RBFOX1: variants seen among roughly 807,000 people sequenced by gnomAD.
RBFOX1 encodes the protein RNA binding protein fox-1 homolog 1.
In RBFOX1, 8 loss-of-function variants were observed where a neutral mutation model predicts 57.7. The ratio of observed to expected loss-of-function variants is 0.14; its 90% confidence interval spans 0.08 to 0.25. RBFOX1 has a LOEUF of 0.25. Among genes scored for constraint, RBFOX1 ranks in the 10% least tolerant of loss-of-function variants. The pLI is 1.00. For missense variants in RBFOX1, 611 were observed against 548.5 expected (o/e 1.11, Z -1.14); for synonymous variants, 326 against 222.4 (o/e 1.47, Z -4.15).
At chr16:7,285,953 T>G (rs1023032194) in intron 4 of RBFOX1, among the ~76,000 whole-genome samples, 2 of 152,230 alleles carry the variant, frequency 1.3e-5, no homozygotes, top group African/African-American at 4.8e-5. Context: ...ATTTTTAAAC[T>G]GAGTCTCTGC....
rs535762582 is a variant in RBFOX1 at position 6,612,654 on chromosome 16, T to C, written c.-63-41949T>C. On this transcript the variant is annotated intron_variant, in intron 2 of 15. Coordinates refer to ENST00000550418, the MANE Select transcript of RBFOX1 (RefSeq NM_018723.4). ...ATGACTTGAGGTCAGGAGTTCAAGA[T>C]CAGCCTGGCCAACATGACAAAACCC... Among the ~76,000 whole-genome samples the C allele has an allele frequency of 1.6e-4, 25 of 151,864 alleles. No individual in the cohort carries two copies. In the South Asian group the frequency reaches 3.5e-3, roughly 21 times the overall value.
intron 3 of RBFOX1, among the ~76,000 whole-genome samples, chr16:6,959,868 C>T (rs910298838): frequency 2.0e-5 from 3 of 152,052 alleles, no homozygotes; most frequent in Admixed American, 6.6e-5. Flanking sequence ...ACCTAGGAGG[C>T]GGACATGTAG....
At chr16:5,329,395 T>A (rs6500683) in intron 1 of RBFOX1, among the ~76,000 whole-genome samples, 14,891 of 151,942 alleles carry the variant, frequency 0.098, 2,443 homozygotes, top group African/African-American at 0.34. Flanking sequence ...TACCCACTTT[T>A]AAATAACCAG....
chr16:6,030,895 A>T (rs1294603197), intron 1 of RBFOX1, among the ~76,000 whole-genome samples: 2 of 152,280 alleles, frequency 1.3e-5, no homozygotes, highest in East Asian at 3.9e-4. Context: ...GCTCTGGGCC[A>T]GGCACTGTTA....
intron 3 of RBFOX1, among the ~76,000 whole-genome samples, chr16:5,702,940 T>C (rs934122182): frequency 6.6e-6 from 1 of 152,206 alleles, no homozygotes; most frequent in Non-Finnish European, 1.5e-5. Context: ...TGTGACGAAT[T>C]TCAGGCCTCT....
intron 2 of RBFOX1, among the ~76,000 whole-genome samples, chr16:6,370,681 G>A (rs1209791481): frequency 1.3e-5 from 2 of 152,134 alleles, no homozygotes; most frequent in African/African-American, 4.8e-5. Context: ...GGGACCAGGG[G>A]GAGGATAGAA....
At chr16:5,446,008 T>C (rs948218626) in intron 1 of RBFOX1, among the ~76,000 whole-genome samples, 3 of 152,344 alleles carry the variant, frequency 2.0e-5, no homozygotes, top group Non-Finnish European at 4.4e-5. Context: ...AACAATCACA[T>C]TGATTTTTTG....
intron 3 of RBFOX1, among the ~76,000 whole-genome samples, chr16:6,851,179 C>T (rs1044514341): frequency 6.6e-6 from 1 of 152,096 alleles, no homozygotes; most frequent in Admixed American, 6.6e-5. Flanking sequence ...TTTTATGTAT[C>T]TAAAGGTTAC....
At chr16:6,440,801 G>GA (rs140805062) in intron 2 of RBFOX1, among the ~76,000 whole-genome samples, 35,809 of 118,314 alleles carry the variant, frequency 0.3, 5,775 homozygotes, top group East Asian at 0.44. Context: ...ACACCATCTG[G>GA]AAAAAAAAAA....
chr16:6,685,743 G>C (rs944626512), intron 3 of RBFOX1, among the ~76,000 whole-genome samples: 1 of 152,036 alleles, frequency 6.6e-6, no homozygotes, highest in African/African-American at 2.4e-5. Flanking sequence ...TTAACAATTT[G>C]GTGTCTGCCC....
chr16:5,976,251 A>G (rs1315178864), intron 4 of RBFOX1, among the ~76,000 whole-genome samples: 1 of 152,234 alleles, frequency 6.6e-6, no homozygotes, highest in Non-Finnish European at 1.5e-5. Context: ...AGCAAGTAGC[A>G]TACAAGAAAA....
intron 1 of RBFOX1, among the ~76,000 whole-genome samples, chr16:5,281,814 C>G (rs1337673650): frequency 6.6e-6 from 1 of 152,140 alleles, no homozygotes; most frequent in Non-Finnish European, 1.5e-5. Flanking sequence ...CTGTGTGTGT[C>G]TTTACAAGTG....
intron 2 of RBFOX1, among the ~76,000 whole-genome samples, chr16:5,484,455 C>T (rs1208384518): frequency 3.3e-5 from 5 of 152,210 alleles, no homozygotes; most frequent in African/African-American, 1.2e-4. Context: ...GGAAGTGACA[C>T]CCCATTCCCT....
chr16:5,468,205 CATA>C (rs1268962731), intron 2 of RBFOX1, among the ~76,000 whole-genome samples: 3 of 152,152 alleles, frequency 2.0e-5, no homozygotes, highest in Non-Finnish European at 4.4e-5. Flanking sequence ...ATTCACATAG[CATA>C]ATATTAGCCA....
intron 4 of RBFOX1, among the ~76,000 whole-genome samples, chr16:7,065,997 C>CAAA (rs369569262): frequency 7.2e-5 from 11 of 152,012 alleles, no homozygotes; most frequent in African/African-American, 2.7e-4. Context: ...TAAATAACAA[C>CAAA]AAAAAAAAAC....
At chr16:7,306,102 A>G (rs2096177544) in intron 4 of RBFOX1, among the ~76,000 whole-genome samples, 2 of 152,234 alleles carry the variant, frequency 1.3e-5, no homozygotes, top group Admixed American at 6.5e-5. Flanking sequence ...TTTGAATATC[A>G]TTTACCTAGC....
chr16:6,876,501 C>A (rs1488208637), intron 3 of RBFOX1, among the ~76,000 whole-genome samples: 1 of 152,170 alleles, frequency 6.6e-6, no homozygotes, highest in Non-Finnish European at 1.5e-5. Flanking sequence ...TCACATAGCG[C>A]TGTACCTAGC....
chr16:6,882,116 T>G (rs1160906154), intron 3 of RBFOX1, among the ~76,000 whole-genome samples: 1 of 152,194 alleles, frequency 6.6e-6, no homozygotes, highest in African/African-American at 2.4e-5. Context: ...GTAAATTATT[T>G]AGCAGGAAAG....
chr16:6,338,218 C>T (rs2084034982), intron 2 of RBFOX1, among the ~76,000 whole-genome samples: 1 of 152,004 alleles, frequency 6.6e-6, no homozygotes, highest in South Asian at 2.1e-4. Flanking sequence ...ACTTGAATAC[C>T]TTCCCACTGC....
Sources: allele counts gnomAD v4.1 joint callset (sites outside exome capture counted in the v4.1 genomes callset), GRCh38; gene constraint gnomAD v4.1.1; transcripts MANE v1.5; gene names NCBI Gene and HGNC (gene_info 2026-07-23, HGNC 2026-07-21).